ZNF804A: variants seen among roughly 807,000 people sequenced by gnomAD.
ZNF804A encodes zinc finger protein 804A.
ZNF804A carries 2 observed loss-of-function variants against 16.5 expected under a neutral mutation model. The observed-to-expected ratio is 0.12, with a 90% CI of 0.05 to 0.38. The LOEUF (loss-of-function observed/expected upper bound fraction) is 0.38, where lower values mean the gene tolerates loss of function less well. ZNF804A is among the 10% of genes least tolerant of loss of function. The pLI is 0.99. For synonymous variants in ZNF804A, 534 were observed against 489.6 expected (o/e 1.09, Z -1.20); for missense variants, 1,473 against 1,390.7 (o/e 1.06, Z -0.94).
At chr2:184,809,659 TA>T (rs1694861727) in intron 1 of ZNF804A, among the ~76,000 whole-genome samples, 1 of 151,924 alleles carries the variant, frequency 6.6e-6, no homozygotes, top group Admixed American at 6.6e-5. Flanking sequence ...TATTTTATGG[TA>T]AAATAGTCAC....
intron 1 of ZNF804A, among the ~76,000 whole-genome samples, chr2:184,855,293 T>A (rs1167985664): frequency 6.6e-6 from 1 of 152,052 alleles, no homozygotes; most frequent in African/African-American, 2.4e-5. Flanking sequence ...TACCAGTACA[T>A]TATTGCCTTA....
At chr2:184,847,593 A>G (rs1695540043) in intron 1 of ZNF804A, among the ~76,000 whole-genome samples, 1 of 152,086 alleles carries the variant, frequency 6.6e-6, no homozygotes, top group South Asian at 2.1e-4. Flanking sequence ...TATTTCTACA[A>G]CAACACTTCA....
intron 1 of ZNF804A, among the ~76,000 whole-genome samples, chr2:184,667,963 G>A (rs1692277564): frequency 6.6e-6 from 1 of 151,568 alleles, no homozygotes; most frequent in Non-Finnish European, 1.5e-5. Flanking sequence ...TTGCTTTGAG[G>A]CAATGTGATC....
intron 1 of ZNF804A, among the ~76,000 whole-genome samples, chr2:184,800,671 A>G (rs1462801564): frequency 3.3e-5 from 5 of 151,756 alleles, no homozygotes; most frequent in Non-Finnish European, 7.4e-5. Flanking sequence ...TCGTAATCTA[A>G]ATTTTTAACT....
At position 184,797,710 on chromosome 2, in the gene ZNF804A, A is replaced by G. The variant is rs542374571; in HGVS notation, c.112-68659A>G. Reference sequence around the variant, plus strand: ...CAATGTTAGTATTGAGATGTGAGGTACTGTTGCATTCATCATGCTATTTGT... The same window carrying G: ...CAATGTTAGTATTGAGATGTGAGGTGCTGTTGCATTCATCATGCTATTTGT... On this transcript the variant is annotated intron_variant, in intron 1 of 3. Transcript: ENST00000302277. Among the ~76,000 whole-genome samples, 307 of 152,222 alleles carry G rather than the reference A, an allele frequency of 2.0e-3. 1 individual carries two copies. The highest frequency in any genetic ancestry group is 7.1e-3 in the African/African-American group (295 of 41,536).
chr2:184,781,045 G>A (rs1306397434), intron 1 of ZNF804A, among the ~76,000 whole-genome samples: 2 of 151,704 alleles, frequency 1.3e-5, no homozygotes, highest in African/African-American at 4.8e-5. Flanking sequence ...TTCTCTGCAT[G>A]AGAATCTTGG....
Position 184,834,286 on chromosome 2 carries a change from A to G in ZNF804A, c.112-32083A>G, listed in dbSNP as rs574577103. Among the ~76,000 whole-genome samples, 14 of 152,210 alleles carry G rather than the reference A, an allele frequency of 9.2e-5. No homozygotes were observed. The East Asian group carries it at 2.5e-3, about 27-fold the overall frequency. ...TGGAAGATTCTTCAAGCTGGCTTCT[A>G]TGAAGTTCTGATATGTACCATCATT... is the stretch of plus-strand genomic sequence containing the variant. On this transcript the variant is annotated intron_variant, in intron 1 of 3. Transcript: ENST00000302277.
intron 1 of ZNF804A, among the ~76,000 whole-genome samples, chr2:184,722,640 A>G (rs1326854410): frequency 6.6e-6 from 1 of 151,972 alleles, no homozygotes; most frequent in Non-Finnish European, 1.5e-5. Context: ...AAGTCAAATA[A>G]CACCACTGAT....
intron 1 of ZNF804A, among the ~76,000 whole-genome samples, chr2:184,671,256 T>A (rs1282322570): frequency 6.6e-6 from 1 of 152,234 alleles, no homozygotes; most frequent in Non-Finnish European, 1.5e-5. Flanking sequence ...TCCACTTTCA[T>A]CATGTCTGCT....
chr2:184,776,965 C>A (rs138271591), intron 1 of ZNF804A, among the ~76,000 whole-genome samples: 119 of 151,672 alleles, frequency 7.8e-4, no homozygotes, highest in African/African-American at 2.8e-3. Flanking sequence ...GCATTTATCT[C>A]AAGATTGGTG....
At chr2:184,697,023 A>T (rs1170853944) in intron 1 of ZNF804A, among the ~76,000 whole-genome samples, 1 of 152,014 alleles carries the variant, frequency 6.6e-6, no homozygotes, top group South Asian at 2.1e-4. Context: ...TGACTTCAGT[A>T]ATTTAGTATA....
chr2:184,655,538 TA>T (rs1363625616), intron 1 of ZNF804A, among the ~76,000 whole-genome samples: 1 of 152,202 alleles, frequency 6.6e-6, no homozygotes, highest in African/African-American at 2.4e-5. Flanking sequence ...TGGGTCTGTT[TA>T]ATAGATTATA....
intron 1 of ZNF804A, among the ~76,000 whole-genome samples, chr2:184,814,218 T>C (rs1196723167): frequency 1.3e-5 from 2 of 151,850 alleles, no homozygotes; most frequent in African/African-American, 4.8e-5. Context: ...ACATTGCTAT[T>C]AAATGAATGG....
At chr2:184,773,252 G>T (rs1649700721) in intron 1 of ZNF804A, among the ~76,000 whole-genome samples, 2 of 151,386 alleles carry the variant, frequency 1.3e-5, no homozygotes, top group African/African-American at 4.8e-5. Flanking sequence ...AGTTCTTTTA[G>T]ATTTTTGTTT....
intron 1 of ZNF804A, among the ~76,000 whole-genome samples, chr2:184,604,479 T>C (rs1449491593): frequency 6.6e-6 from 1 of 152,144 alleles, no homozygotes; most frequent in Non-Finnish European, 1.5e-5. Context: ...GGCCACATTT[T>C]TAATGAAAAT....
intron 2 of ZNF804A, among the ~76,000 whole-genome samples, chr2:184,880,100 T>A (rs922473678): frequency 2.6e-5 from 4 of 152,066 alleles, no homozygotes; most frequent in Non-Finnish European, 5.9e-5. Context: ...AATTTATTGA[T>A]CATAGTTAGA....
At chr2:184,691,982 G>A (rs745422088) in intron 1 of ZNF804A, among the ~76,000 whole-genome samples, 50 of 152,090 alleles carry the variant, frequency 3.3e-4, no homozygotes, top group Admixed American at 1.4e-3. Flanking sequence ...GTTTCTAAAG[G>A]TCTGTATTAG....
intron 1 of ZNF804A, among the ~76,000 whole-genome samples, chr2:184,843,505 C>G (rs1471108364): frequency 6.6e-6 from 1 of 152,090 alleles, no homozygotes; most frequent in African/African-American, 2.4e-5. Flanking sequence ...AACTCCTGAC[C>G]TCAGGTGATC....
chr2:184,816,088 C>T (rs1694978448), intron 1 of ZNF804A, among the ~76,000 whole-genome samples: 1 of 152,054 alleles, frequency 6.6e-6, no homozygotes, highest in African/African-American at 2.4e-5. Flanking sequence ...TTCCTCACTG[C>T]TGATTCTCGT....
Sources: allele counts gnomAD v4.1 joint callset (sites outside exome capture counted in the v4.1 genomes callset), GRCh38; gene constraint gnomAD v4.1.1; transcripts MANE v1.5; gene names NCBI Gene and HGNC (gene_info 2026-07-23, HGNC 2026-07-21).